The following ADCY3 variants were observed in gnomAD, a reference collection of about 807,000 sequenced individuals.
The protein encoded by ADCY3 is adenylate cyclase 3.
ADCY3 carries 70 observed loss-of-function variants against 119.4 expected under a neutral mutation model. That is an observed-to-expected ratio of 0.59 (90% CI 0.48 to 0.72). The LOEUF is 0.72. Among genes scored for constraint, ADCY3 ranks in the 30% least tolerant of loss-of-function variants. The pLI is 0.00. For missense variants in ADCY3, 1,238 were observed against 1,541.6 expected (o/e 0.80, Z 3.30); for synonymous variants, 672 against 621.4 (o/e 1.08, Z -1.21).
chr2:24,894,353 T>C (rs1678019431), intron 2 of ADCY3, among the ~76,000 whole-genome samples: 1 of 152,094 alleles, frequency 6.6e-6, no homozygotes, highest in Non-Finnish European at 1.5e-5. Flanking sequence ...TATATGCCTG[T>C]AGTCCCAGCT....
chr2:24,902,268 A>G (rs892917141), intron 2 of ADCY3, among the ~76,000 whole-genome samples: 1 of 151,710 alleles, frequency 6.6e-6, no homozygotes, highest in African/African-American at 2.4e-5. Context: ...CTGTGTAAAG[A>G]TGAGGTCTCA....
intron 3 of ADCY3, among the ~76,000 whole-genome samples, chr2:24,859,545 G>A (rs1541984): frequency 0.51 from 76,903 of 152,064 alleles, 21,665 homozygotes; most frequent in African/African-American, 0.77. Context: ...AAAGGTCTTG[G>A]GGGAAACAGT....
chr2:24,868,250 T>C (rs1447598296), intron 3 of ADCY3, among the ~76,000 whole-genome samples: 1 of 152,226 alleles, frequency 6.6e-6, no homozygotes, highest in East Asian at 1.9e-4. Context: ...TTAGTAAATA[T>C]TTTAAATTAA....
At chr2:24,896,238 A>T (rs1425794675) in intron 2 of ADCY3, among the ~76,000 whole-genome samples, 1 of 152,144 alleles carries the variant, frequency 6.6e-6, no homozygotes, top group Non-Finnish European at 1.5e-5. Context: ...TACAAAAATT[A>T]GCCAGGCATG....
intron 3 of ADCY3, among the ~76,000 whole-genome samples, chr2:24,869,390 T>C (rs1490683608): frequency 3.3e-5 from 5 of 151,964 alleles, no homozygotes; most frequent in Non-Finnish European, 5.9e-5. Context: ...ACTTCTTCAT[T>C]AGGGCCTTTT....
At chr2:24,886,261 G>A (rs1181834144) in intron 2 of ADCY3, among the ~76,000 whole-genome samples, 2 of 152,086 alleles carry the variant, frequency 1.3e-5, no homozygotes, top group Non-Finnish European at 2.9e-5. Context: ...CCAACTCCAC[G>A]GTCATCCTGT....
At chr2:24,908,721 C>A (rs376059782) in intron 2 of ADCY3, among the ~76,000 whole-genome samples, 21 of 152,332 alleles carry the variant, frequency 1.4e-4, no homozygotes, top group East Asian at 5.8e-4. Context: ...CATGGCCCCA[C>A]CTTGGCTAGG....
At position 24,821,508 on chromosome 2, in the gene ADCY3, G is replaced by C; in HGVS notation, c.3127+9C>G. 6.2e-7 allele frequency: 1 copy of C among 1,613,700 alleles called. No homozygotes were observed. The highest frequency in any genetic ancestry group is 8.5e-7 in the Non-Finnish European group (1 of 1,179,784). On this transcript the variant is annotated intron_variant, in intron 20 of 21. Coordinates refer to ENST00000679454, the MANE Select transcript of ADCY3 (RefSeq NM_004036.5). ...CCTGCTGCGGGGCAGGCCAGCTGGG[G>C]GTGCTCACCTATGCGCAGCATGAAG... is the stretch of plus-strand genomic sequence containing the variant.
At chr2:24,914,657 A>G (rs1664221688) in intron 2 of ADCY3, among the ~76,000 whole-genome samples, 1 of 147,968 alleles carries the variant, frequency 6.8e-6, no homozygotes, top group Non-Finnish European at 1.5e-5. Flanking sequence ...CCTCAGAAAT[A>G]AGAATGAAAC....
intron 18 of ADCY3, 62 bp downstream of exon 18, chr2:24,823,147 T>G: frequency 1.9e-6 from 3 of 1,562,384 alleles, no homozygotes; most frequent in Non-Finnish European, 2.6e-6. Flanking sequence ...CAGCCTATTG[T>G]AGGATGTGAT....
chr2:24,891,348 C>T (rs1677632358), intron 2 of ADCY3, among the ~76,000 whole-genome samples: 1 of 151,936 alleles, frequency 6.6e-6, no homozygotes, highest in Admixed American at 6.6e-5. Flanking sequence ...TTGCTCTGTC[C>T]CACTAGAGAT....
At chr2:24,858,547 A>T (rs1210447021) in intron 3 of ADCY3, among the ~76,000 whole-genome samples, 3 of 152,220 alleles carry the variant, frequency 2.0e-5, no homozygotes, top group African/African-American at 7.2e-5. Flanking sequence ...AACACCATCC[A>T]GGGCCTGGCA....
At position 24,918,548 on chromosome 2, in the gene ADCY3, A is replaced by T; in HGVS notation, c.440T>A (p.Ile147Lys). Residue 147 changes from isoleucine to lysine, a missense_variant, in exon 2 of 22, where the codon ATA (isoleucine) becomes AAA (lysine). Ile to Lys is a moderately radical substitution (Grantham distance 102). Around this residue, in one of 7 missense-constraint regions of ADCY3, gnomAD observed 227 missense variants for 249.3 expected, o/e 0.91. Coordinates refer to ENST00000679454, the MANE Select transcript of ADCY3 (RefSeq NM_004036.5). This position sits in a 1 kb window ranked among gnomAD's most constrained non-coding sequence, Gnocchi z 5.4. Reference sequence around the variant, plus strand: ...CAGGTAGGAGAAGATCTGGGCGGTTATGAGCAGCCACAGCACGTAGGGCAG... The same window carrying T: ...CAGGTAGGAGAAGATCTGGGCGGTTTTGAGCAGCCACAGCACGTAGGGCAG... ...RVLPYVLWLL[I>K]TAQIFSYLGL... 6.2e-7 allele frequency: 1 copy of T among 1,614,100 alleles called. No homozygotes were observed. The highest frequency in any genetic ancestry group is 2.2e-5 in the East Asian group (1 of 44,886).
At position 24,842,269 on chromosome 2, in the gene ADCY3, C is replaced by T. The variant is rs1484094256; in HGVS notation, c.941G>A (p.Arg314His). The T allele has an allele frequency of 4.3e-6, 7 of 1,614,026 alleles. No homozygotes were observed. The highest frequency in any genetic ancestry group is 5.1e-6 in the Non-Finnish European group (6 of 1,180,030). ...QQQFNTMYMY[R>H]HENVSILFAD... ...GCCGGCGTACCTGACGTTCTCGTGACGGTACATGTACATGGTGTTGAACTG... is the reference window on the plus strand; with the variant it reads ...GCCGGCGTACCTGACGTTCTCGTGATGGTACATGTACATGGTGTTGAACTG... Residue 314 changes from arginine (R) to histidine (H), a missense_variant, in exon 4 of 22, where the codon CGT becomes CAT. Coordinates refer to ENST00000679454, the MANE Select transcript of ADCY3 (RefSeq NM_004036.5). The surrounding 1 kb of genome is among the most constrained non-coding windows in gnomAD (Gnocchi z 4.9).
At chr2:24,830,943 C>G (rs572877070) in intron 12 of ADCY3, 118 bp from the exon 13 acceptor site, 2 of 788,598 alleles carry the variant, frequency 2.5e-6, no homozygotes, top group African/African-American at 3.5e-5. Flanking sequence ...AAAACGGACT[C>G]TGCCTGGGAG....
At chr2:24,886,201 C>A (rs1677004723) in intron 2 of ADCY3, among the ~76,000 whole-genome samples, 1 of 152,232 alleles carries the variant, frequency 6.6e-6, no homozygotes, top group African/African-American at 2.4e-5. Context: ...AGCACGCTGT[C>A]TGCTGGGTGA....
At chr2:24,896,044 T>C (rs1454098156) in intron 2 of ADCY3, among the ~76,000 whole-genome samples, 2 of 152,176 alleles carry the variant, frequency 1.3e-5, no homozygotes, top group African/African-American at 2.4e-5. Context: ...CTTCCCATCA[T>C]CCTGATGTGT....
Position 24,919,120 on chromosome 2 carries a change from G to C in ADCY3, c.-133C>G. On this transcript the variant is annotated 5_prime_UTR_variant, in exon 2 of 22. Transcript: ENST00000679454. This position sits in a 1 kb window ranked among gnomAD's most constrained non-coding sequence, Gnocchi z 5.5. ...GCCTCTTCTTGTCTGGGGCGGAGGG[G>C]AGGCCACCTCCAGCAGGAACGCAGA... 1.1e-6 allele frequency: 1 copy of C among 913,820 alleles called. No homozygotes were observed. Among genetic ancestry groups the C allele is most frequent in the Admixed American group, 2.9e-5 (1 of 34,494 alleles). 56.6% of individuals were successfully genotyped at this position (913,820 alleles called of 1,614,324 possible).
intron 3 of ADCY3, among the ~76,000 whole-genome samples, chr2:24,850,888 CT>C (rs1293080131): frequency 1.3e-5 from 2 of 152,094 alleles, no homozygotes; most frequent in African/African-American, 2.4e-5. Flanking sequence ...AAATTGTGTT[CT>C]GTGAAGCTGA....
Sources: allele counts gnomAD v4.1 joint callset (sites outside exome capture counted in the v4.1 genomes callset), GRCh38; gene constraint gnomAD v4.1.1; regional missense constraint gnomAD v4.1.1; non-coding constraint Gnocchi (gnomAD v3.1); transcripts MANE v1.5; gene names NCBI Gene and HGNC (gene_info 2026-07-23, HGNC 2026-07-21).